The following HEMGN variants were observed in gnomAD, a reference collection of about 807,000 sequenced individuals.
The protein encoded by HEMGN is hemogen, also known as erythroid differentiation-associated gene protein.
Under a neutral mutation model 45.7 loss-of-function variants are expected in HEMGN, and 32 were observed. The observed-to-expected ratio is 0.70, with a 90% confidence interval of 0.53 to 0.94. HEMGN has a LOEUF of 0.94. Ranked by LOEUF, HEMGN falls within the 40% of genes least tolerant of loss-of-function variation. The pLI is 0.00. For synonymous variants in HEMGN, 183 were observed against 178.6 expected (o/e 1.02, Z -0.20); for missense variants, 530 against 564.2 (o/e 0.94, Z 0.61).
intron 3 of HEMGN, among the ~76,000 whole-genome samples, chr9:97,929,615 C>T (rs1826902942): frequency 7.4e-6 from 1 of 135,898 alleles, no homozygotes; most frequent in African/African-American, 2.5e-5. Context: ...TATTTTACAG[C>T]TTTTATCTCC....
At chr9:97,939,158 G>T (rs1267334511), upstream of HEMGN, among the ~76,000 whole-genome samples, 2 of 152,166 alleles carry the variant, frequency 1.3e-5, no homozygotes, top group African/African-American at 2.4e-5. Flanking sequence ...TTGAATTCCA[G>T]TGTTGACATT....
chr9:97,938,713 G>A (rs1363332004), upstream of HEMGN, among the ~76,000 whole-genome samples: 1 of 152,166 alleles, frequency 6.6e-6, no homozygotes, highest in Non-Finnish European at 1.5e-5. Context: ...ATGGTTTCCT[G>A]TATGTAGCTT....
rs748415690 is a variant in HEMGN at position 97,930,323 on chromosome 9, G to T, written c.1072C>A (p.Gln358Lys). 2.5e-6 allele frequency: 4 copies of T among 1,613,486 alleles called. No homozygotes were observed. Among genetic ancestry groups the T allele is most frequent in the East Asian group, 4.5e-5 (2 of 44,880 alleles). ...HSEDYSIEIN[Q>K]ETPGSEKYSP... The stretch of plus-strand genomic sequence containing the variant: ...TATTTTTCAGACCCAGGAGTTTCTT[G>T]GTTTATTTCAATTGAATAGTCTTCA... Residue 358 changes from glutamine (Q) to lysine (K), a missense_variant, in exon 3 of 4, where the codon CAA becomes AAA. By Grantham distance (53) the Gln-to-Lys change is moderately conservative. Coordinates refer to ENST00000616898, the MANE Select transcript of HEMGN (RefSeq NM_197978.3).
chr9:97,935,885 G>A (rs750986395), intron 2 of HEMGN, among the ~76,000 whole-genome samples: 3 of 152,116 alleles, frequency 2.0e-5, no homozygotes, highest in Non-Finnish European at 2.9e-5. Flanking sequence ...GGAGCTAAAC[G>A]CCAGGCTTCT....
At chr9:97,944,243 T>A (rs955183225) in intron 1 of HEMGN, among the ~76,000 whole-genome samples, 2 of 152,210 alleles carry the variant, frequency 1.3e-5, no homozygotes, top group Non-Finnish European at 2.9e-5. Flanking sequence ...CACCTCAAAC[T>A]TAGCATAACT....
intron 1 of HEMGN, among the ~76,000 whole-genome samples, chr9:97,936,858 A>ATATT (rs1379871500): frequency 6.6e-6 from 1 of 152,238 alleles, no homozygotes; most frequent in East Asian, 1.9e-4. Context: ...TATAATAAGC[A>ATATT]TATTCATTGC....
chr9:97,930,484 A>G lies in HEMGN; in HGVS notation c.911T>C (p.Ile304Thr), dbSNP rs1826925114. 2 of 1,613,954 alleles carry G rather than the reference A, an allele frequency of 1.2e-6. No homozygotes were observed. Among genetic ancestry groups the G allele is most frequent in the Non-Finnish European group, 8.5e-7 (1 of 1,179,932 alleles). ...TEGLFPKIQE[I>T]AEPKDLSTKT... ...TGTAGAAAGGTCTTTAGGCTCAGCT[A>G]TTTCTTGTATTTTAGGAAAAAGGCC... Residue 304 changes from isoleucine to threonine, a missense_variant, in exon 3 of 4, where the codon ATA becomes ACA. By Grantham distance (89) the Ile-to-Thr change is moderately conservative (BLOSUM62 -1). Coordinates refer to ENST00000616898, the MANE Select transcript of HEMGN (RefSeq NM_197978.3).
chr9:97,943,234 T>C (rs994330684), intron 1 of HEMGN, among the ~76,000 whole-genome samples: 5 of 152,180 alleles, frequency 3.3e-5, no homozygotes, highest in Non-Finnish European at 5.9e-5. Flanking sequence ...TATTAGAGTG[T>C]TCTAATGATG....
chr9:97,941,079 A>G (rs1162538754), upstream of HEMGN, among the ~76,000 whole-genome samples: 1 of 152,196 alleles, frequency 6.6e-6, no homozygotes, highest in Non-Finnish European at 1.5e-5. Context: ...TAAATAAAAT[A>G]TATAATGTGT....
chr9:97,926,979 A>C lies in HEMGN; in HGVS notation c.*405T>G, dbSNP rs975924911. ...TGAATAAAATTTTGATGCTACTGTTACATTAATAATTGAACAGCATTTACA... is the reference window on the plus strand; with the variant it reads ...TGAATAAAATTTTGATGCTACTGTTCCATTAATAATTGAACAGCATTTACA... On this transcript the variant is annotated 3_prime_UTR_variant, in exon 4 of 4. Transcript: ENST00000616898. 6.5e-6 allele frequency: 1 copy of C among 153,168 alleles called. No individual in the cohort carries two copies. The allele number at this position is 153,168 out of a possible 1,614,324, so 9.5% of individuals were successfully genotyped here.
chr9:97,930,126 A>G lies in HEMGN; in HGVS notation c.1269T>C (p.Phe423=). 1 of 1,614,190 alleles carries G rather than the reference A, an allele frequency of 6.2e-7. No homozygotes were observed. The highest frequency in any genetic ancestry group is 1.1e-5 in the South Asian group (1 of 91,074). The part of the protein sequence containing the change: ...YKNKDVPKEC[F]PEPHQETGGP... ...CACCTGTTTCTTGGTGTGGTTCTGG[A>G]AAGCATTCTTTAGGCACATCCTTAT... Residue 423 remains phenylalanine (F), a synonymous_variant, in exon 3 of 4, where the codon TTT becomes TTC. Coordinates refer to ENST00000616898, the MANE Select transcript of HEMGN (RefSeq NM_197978.3).
In HEMGN at chr9:97,930,470, C is replaced by G; in HGVS notation, c.925G>C (p.Asp309His). 6.2e-7 allele frequency: 1 copy of G among 1,614,068 alleles called. No individual in the cohort carries two copies. The highest frequency in any genetic ancestry group is 2.2e-5 in the East Asian group (1 of 44,878). The change falls in exon 3 of 4, where the codon GAC becomes CAC. Residue 309 changes from aspartate (D) to histidine (H), a missense_variant. By Grantham distance (81) the Asp-to-His change is moderately conservative (BLOSUM62 -1). Coordinates refer to ENST00000616898, the MANE Select transcript of HEMGN (RefSeq NM_197978.3). ...PKIQEIAEPK[D>H]LSTKTHQESA... ...TCTTGGTGTGTTTTTGTAGAAAGGT[C>G]TTTAGGCTCAGCTATTTCTTGTATT...
intron 1 of HEMGN, among the ~76,000 whole-genome samples, chr9:97,943,588 A>C (rs1016428931): frequency 6.6e-6 from 1 of 152,118 alleles, no homozygotes; most frequent in African/African-American, 2.4e-5. Flanking sequence ...TCCTCCCACA[A>C]ATGCTCCTTC....
intron 2 of HEMGN, 36 bp from the exon 3 acceptor site, chr9:97,931,257 C>G (rs1366451693): frequency 6.7e-7 from 1 of 1,486,716 alleles, no homozygotes; most frequent in Non-Finnish European, 9.1e-7. Flanking sequence ...AGCAGTGGTA[C>G]TACAGAATTC....
intron 2 of HEMGN, among the ~76,000 whole-genome samples, chr9:97,935,206 T>C (rs1409064883): frequency 2.0e-5 from 3 of 152,180 alleles, no homozygotes; most frequent in Non-Finnish European, 1.5e-5. Flanking sequence ...GAACTTGGTG[T>C]TATAGAAACA....
At chr9:97,931,769 A>G (rs992002360) in intron 2 of HEMGN, among the ~76,000 whole-genome samples, 22 of 152,318 alleles carry the variant, frequency 1.4e-4, no homozygotes, top group Non-Finnish European at 1.6e-4. Context: ...GCTACAGTAT[A>G]TATCAAATGA....
At chr9:97,942,236 A>C (rs1827163278), upstream of HEMGN, among the ~76,000 whole-genome samples, 1 of 151,626 alleles carries the variant, frequency 6.6e-6, no homozygotes, top group Non-Finnish European at 1.5e-5. Flanking sequence ...TTCGCACCAG[A>C]AGCTGGGCCT....
chr9:97,937,944 A>G (rs1827091021), intron 1 of HEMGN, 114 bp downstream of exon 1: 2 of 653,310 alleles, frequency 3.1e-6, no homozygotes, highest in Non-Finnish European at 5.4e-6. Flanking sequence ...TAGTCTCATT[A>G]GCTTTCATTT....
intron 2 of HEMGN, among the ~76,000 whole-genome samples, chr9:97,932,171 T>TGTAG (rs1826966262): frequency 6.6e-6 from 1 of 152,224 alleles, no homozygotes; most frequent in South Asian, 2.1e-4. Flanking sequence ...AGGCAAGGAA[T>TGTAG]GTAGGCTGCC....
Sources: gnomAD v4.1 joint callset for allele counts (sites outside exome capture counted in the v4.1 genomes callset) on GRCh38, gnomAD v4.1.1 for gene constraint, MANE v1.5 for transcripts, NCBI Gene and HGNC (gene_info 2026-07-23, HGNC 2026-07-21) for gene names.